Variants in MAGI2 observed in about 807,000 individuals in gnomAD.
The protein encoded by MAGI2 is membrane associated guanylate kinase, WW and PDZ domain containing 2.
In MAGI2, 35 loss-of-function variants were observed where a neutral mutation model predicts 133.3. That is an observed-to-expected ratio of 0.26 (90% CI 0.20 to 0.35). The LOEUF (loss-of-function observed/expected upper bound fraction) is 0.35. Ranked by LOEUF, MAGI2 falls within the 10% of genes least tolerant of loss-of-function variation. MAGI2 has a pLI of 1.00. For synonymous variants in MAGI2, 729 were observed against 710.6 expected, an observed-to-expected ratio of 1.03 and a Z score of -0.41; for missense variants, 1,636 against 1,863.4, an observed-to-expected ratio of 0.88 and a Z score of 2.25.
chr7:78,462,484 C>G (rs1161696893), intron 6 of MAGI2, among the ~76,000 whole-genome samples: 1 of 152,092 alleles, frequency 6.6e-6, no homozygotes, highest in Non-Finnish European at 1.5e-5. Flanking sequence ...GAGGAGAGCC[C>G]TCAAGGCATT....
intron 2 of MAGI2, among the ~76,000 whole-genome samples, chr7:78,738,039 G>T (rs1251408419): frequency 1.4e-5 from 2 of 146,068 alleles, no homozygotes; most frequent in African/African-American, 5.1e-5. Context: ...AAAAATAGAG[G>T]AATTATTCTC....
intron 6 of MAGI2, among the ~76,000 whole-genome samples, chr7:78,458,345 T>C (rs939647879): frequency 4.0e-5 from 6 of 151,006 alleles, no homozygotes; most frequent in Non-Finnish European, 5.9e-5. Context: ...GTATCTTATG[T>C]TCCTGTTGAA....
intron 6 of MAGI2, among the ~76,000 whole-genome samples, chr7:78,382,004 G>A (rs1794964162): frequency 6.6e-6 from 1 of 152,126 alleles, no homozygotes; most frequent in African/African-American, 2.4e-5. Context: ...GTTATTCAAT[G>A]CGTCATTATT....
chr7:79,292,354 G>T (rs745550277), intron 1 of MAGI2, among the ~76,000 whole-genome samples: 3 of 151,956 alleles, frequency 2.0e-5, no homozygotes, highest in Admixed American at 6.6e-5. Context: ...TGGCACGGTG[G>T]CTCATGCCTG....
intron 15 of MAGI2, among the ~76,000 whole-genome samples, chr7:78,167,019 G>A (rs147273530): frequency 6.6e-6 from 1 of 152,156 alleles, no homozygotes; most frequent in Non-Finnish European, 1.5e-5. Flanking sequence ...CCTACTTCTA[G>A]TATTGATGAT....
At chr7:78,667,393 T>A (rs1456973173) in intron 2 of MAGI2, among the ~76,000 whole-genome samples, 4 of 151,316 alleles carry the variant, frequency 2.6e-5, no homozygotes, top group East Asian at 1.9e-4. Flanking sequence ...TTTTAAAAAA[T>A]TTTATTATTA....
chr7:78,498,765 T>C (rs903636229), intron 5 of MAGI2, among the ~76,000 whole-genome samples: 3 of 152,068 alleles, frequency 2.0e-5, no homozygotes, highest in African/African-American at 4.8e-5. Context: ...GTGGAGGGTG[T>C]TGGGGAGCAG....
chr7:78,314,861 G>A (rs909220351), intron 9 of MAGI2, among the ~76,000 whole-genome samples: 6 of 152,084 alleles, frequency 3.9e-5, no homozygotes, highest in African/African-American at 9.7e-5. Context: ...GACTCTATTC[G>A]ATTGTATTCA....
intron 2 of MAGI2, among the ~76,000 whole-genome samples, chr7:78,743,429 A>G (rs1242301091): frequency 6.6e-6 from 1 of 152,222 alleles, no homozygotes; most frequent in Non-Finnish European, 1.5e-5. Flanking sequence ...TCCTTGTTCA[A>G]GACACACCTT....
intron 20 of MAGI2, among the ~76,000 whole-genome samples, chr7:78,108,863 C>A (rs1455191166): frequency 2.6e-5 from 4 of 151,816 alleles, no homozygotes; most frequent in Non-Finnish European, 4.4e-5. Context: ...ATATCTATAT[C>A]TATATATATC....
rs762405456 is a variant in MAGI2, at chr7:78,057,999, A to ATGTGTGTGTGTGTGTGTG, written c.3706+20947_3706+20948insCACACACACACACACACA. Among the ~76,000 whole-genome samples, 98 of 108,588 alleles carry ATGTGTGTGTGTGTGTGTG rather than the reference A, an allele frequency of 9.0e-4. 7 individuals are homozygous for ATGTGTGTGTGTGTGTGTG. The highest frequency in any genetic ancestry group is 3.3e-3 in the African/African-American group (94 of 28,138). 71.2% of individuals were successfully genotyped at this position (108,588 alleles called of 152,430 possible). On this transcript the variant is annotated intron_variant, in intron 21 of 21. Transcript: ENST00000354212. ...TGTGTATATATATATATATATATAT[A>ATGTGTGTGTGTGTGTGTG]TATATGTATGAGAAACATCTTGAAT... is the stretch of plus-strand genomic sequence containing the variant.
At chr7:78,869,732 G>A (rs1048656162) in intron 2 of MAGI2, among the ~76,000 whole-genome samples, 11 of 152,116 alleles carry the variant, frequency 7.2e-5, no homozygotes, top group Admixed American at 3.3e-4. Flanking sequence ...CACAATAACA[G>A]CAAGGCAGAA....
chr7:78,775,320 T>TAAAAAAAAAAAAAAAAAAAAAA (rs3086258), intron 2 of MAGI2, among the ~76,000 whole-genome samples: 9 of 57,376 alleles, frequency 1.6e-4, no homozygotes, highest in African/African-American at 2.1e-4. Context: ...CGTCTCAAAT[T>TAAAAAAAAAAAAAAAAAAAAAA]AAAAAAAAAA....
At chr7:79,155,912 A>G (rs1823733281) in intron 1 of MAGI2, among the ~76,000 whole-genome samples, 1 of 152,148 alleles carries the variant, frequency 6.6e-6, no homozygotes, top group African/African-American at 2.4e-5. Flanking sequence ...GAAGCATCAA[A>G]CTGACTTTTT....
chr7:78,754,668 T>A (rs1345703571), intron 2 of MAGI2, among the ~76,000 whole-genome samples: 1 of 152,144 alleles, frequency 6.6e-6, no homozygotes, highest in Non-Finnish European at 1.5e-5. Context: ...GGAACACACT[T>A]GGGCAATCAA....
chr7:79,028,308 T>C (rs1236777379), intron 1 of MAGI2, among the ~76,000 whole-genome samples: 1,300 of 77,516 alleles, frequency 0.017, 23 homozygotes, highest in Middle Eastern at 0.028. Flanking sequence ...TATATATATA[T>C]ATATACACAC....
chr7:79,170,684 T>A (rs770165774), intron 1 of MAGI2, among the ~76,000 whole-genome samples: 8 of 152,080 alleles, frequency 5.3e-5, no homozygotes, highest in Non-Finnish European at 8.8e-5. Flanking sequence ...ACAACCCTTG[T>A]CTAAGAAGAA....
intron 12 of MAGI2, among the ~76,000 whole-genome samples, 194 bp downstream of exon 12, chr7:78,194,680 G>C (rs1828556427): frequency 6.6e-6 from 1 of 152,100 alleles, no homozygotes; most frequent in South Asian, 2.1e-4. Context: ...TAAAATATAA[G>C]GCAAAAGATA....
At chr7:79,250,900 G>C (rs1167214918) in intron 1 of MAGI2, among the ~76,000 whole-genome samples, 1 of 152,074 alleles carries the variant, frequency 6.6e-6, no homozygotes, top group Admixed American at 6.6e-5. Context: ...CAGACACATA[G>C]GCCATCACAA....
Sources: gnomAD v4.1 joint callset for allele counts (sites outside exome capture counted in the v4.1 genomes callset) on GRCh38, gnomAD v4.1.1 for gene constraint, MANE v1.5 for transcripts, NCBI Gene and HGNC (gene_info 2026-07-23, HGNC 2026-07-21) for gene names.